MICU3: variants seen among roughly 807,000 people sequenced by gnomAD.
The protein encoded by MICU3 is mitochondrial calcium uptake 3.
MICU3 carries 62 observed loss-of-function variants against 66.5 expected under a neutral mutation model. The observed-to-expected ratio is 0.93, with a 90% CI of 0.76 to 1.15. The LOEUF is 1.15. Ranked by LOEUF, MICU3 falls within the 50% of genes most tolerant of loss-of-function variation. MICU3 has a pLI of 0.00. For synonymous variants in MICU3, 308 were observed against 240.7 expected, an observed-to-expected ratio of 1.28 and a Z score of -2.59; for missense variants, 779 against 664.4, an observed-to-expected ratio of 1.17 and a Z score of -1.90.
intron 1 of MICU3, among the ~76,000 whole-genome samples, chr8:17,046,169 G>A (rs1815049563): frequency 6.6e-6 from 1 of 152,222 alleles, no homozygotes; most frequent in South Asian, 2.1e-4. Context: ...AGTTCTGGAG[G>A]CCTGGACTTG....
intron 8 of MICU3, among the ~76,000 whole-genome samples, chr8:17,093,998 C>G (rs1800381138): frequency 6.6e-6 from 1 of 151,864 alleles, no homozygotes; most frequent in African/African-American, 2.4e-5. Flanking sequence ...CATGTGTGTC[C>G]CCACTCATAA....
At chr8:17,133,444 G>T in the MICU3 span, among the ~76,000 whole-genome samples, 1 of 151,670 alleles carries the variant, frequency 6.6e-6, no homozygotes, top group African/African-American at 2.4e-5. Flanking sequence ...TAGATCATTT[G>T]GCTGTCCTAT....
intron 1 of MICU3, among the ~76,000 whole-genome samples, chr8:17,051,479 A>G (rs3850755): frequency 6.6e-6 from 1 of 152,218 alleles, no homozygotes; most frequent in Non-Finnish European, 1.5e-5. Flanking sequence ...GCTAGATGAG[A>G]TCATCAAGTG....
intron 4 of MICU3, among the ~76,000 whole-genome samples, chr8:17,080,914 T>C (rs1474383404): frequency 1.3e-5 from 2 of 152,160 alleles, no homozygotes; most frequent in African/African-American, 2.4e-5. Context: ...TAAATAAGTA[T>C]TGTAGATACA....
intron 1 of MICU3, among the ~76,000 whole-genome samples, chr8:17,041,610 T>C (rs1279660265): frequency 6.6e-6 from 1 of 151,790 alleles, no homozygotes; most frequent in Non-Finnish European, 1.5e-5. Flanking sequence ...TTTTTTAAGA[T>C]GGAAGACCCT....
At chr8:17,068,898 C>T (rs2150664369) in intron 2 of MICU3, among the ~76,000 whole-genome samples, 1 of 152,214 alleles carries the variant, frequency 6.6e-6, no homozygotes, top group African/African-American at 2.4e-5. Flanking sequence ...AGCTGTATTA[C>T]AGGGCTTAAT....
chr8:17,047,611 T>A (rs767410723), intron 1 of MICU3, among the ~76,000 whole-genome samples: 26 of 152,220 alleles, frequency 1.7e-4, no homozygotes, highest in Admixed American at 5.9e-4. Context: ...GGACTGCAGT[T>A]GACCTGATTA....
chr8:17,084,870 T>C (rs959034340), intron 5 of MICU3, among the ~76,000 whole-genome samples: 1 of 152,062 alleles, frequency 6.6e-6, no homozygotes, highest in Non-Finnish European at 1.5e-5. Context: ...AACTAGTTCA[T>C]TGTGTCATGT....
intron 12 of MICU3, 48 bp downstream of exon 12, chr8:17,114,249 G>A (rs1343912939): frequency 8.2e-7 from 1 of 1,222,576 alleles, no homozygotes; most frequent in Non-Finnish European, 1.2e-6. Flanking sequence ...ATACTACATT[G>A]TTTCTATAGA....
chr8:17,110,869 A>T (rs150937716), intron 11 of MICU3, among the ~76,000 whole-genome samples: 229 of 152,050 alleles, frequency 1.5e-3, no homozygotes, highest in African/African-American at 5.2e-3. Flanking sequence ...GAGTCACCAT[A>T]CCTGGTCTCA....
chr8:17,040,063 A>T (rs1350282153), intron 1 of MICU3, among the ~76,000 whole-genome samples: 2 of 151,978 alleles, frequency 1.3e-5, no homozygotes, highest in East Asian at 3.9e-4. Flanking sequence ...ATGCGCCAGC[A>T]CGCCTGGCTA....
At chr8:17,030,007 C>T (rs532529947) in intron 1 of MICU3, among the ~76,000 whole-genome samples, 1 of 152,064 alleles carries the variant, frequency 6.6e-6, no homozygotes, top group African/African-American at 2.4e-5. Context: ...TCCAACCTTC[C>T]TACTGAATTT....
intron 13 of MICU3, 134 bp downstream of exon 13, chr8:17,116,734 CAT>C (rs1393723763): frequency 1.6e-6 from 1 of 626,230 alleles, no homozygotes; most frequent in Non-Finnish European, 2.6e-6. Flanking sequence ...AAAGAAAAAA[CAT>C]AGGCCTTACT....
intron 1 of MICU3, among the ~76,000 whole-genome samples, chr8:17,027,963 A>T (rs1363659958): frequency 1.3e-5 from 2 of 152,196 alleles, no homozygotes; most frequent in African/African-American, 4.8e-5. Context: ...AATGAAGGCC[A>T]TGACAGGCAG....
intron 11 of MICU3, among the ~76,000 whole-genome samples, chr8:17,109,727 A>G (rs1193466072): frequency 3.9e-5 from 6 of 152,178 alleles, no homozygotes; most frequent in African/African-American, 1.4e-4. Context: ...GAACAAGTGA[A>G]TATATTAAAT....
chr8:17,110,489 T>C (rs1233928205), intron 11 of MICU3, among the ~76,000 whole-genome samples: 2 of 152,182 alleles, frequency 1.3e-5, no homozygotes, highest in African/African-American at 2.4e-5. Context: ...CTTATTCTAA[T>C]ATTTAATTTC....
chr8:17,137,177 G>C, the MICU3 span, among the ~76,000 whole-genome samples: 2 of 151,998 alleles, frequency 1.3e-5, no homozygotes, highest in Non-Finnish European at 2.9e-5. Context: ...CTAGCCCAAA[G>C]GTTGCAATAT....
intron 11 of MICU3, among the ~76,000 whole-genome samples, chr8:17,111,528 T>G (rs1389098824): frequency 6.6e-6 from 1 of 152,132 alleles, no homozygotes; most frequent in East Asian, 1.9e-4. Context: ...TTTAGTTTGA[T>G]GAAGTCTAAT....
chr8:17,116,569 T>G lies in MICU3; in HGVS notation c.1493T>G (p.Ile498Ser). 3.2e-6 allele frequency: 5 copies of G among 1,566,318 alleles called. No individual in the cohort carries two copies. The highest frequency in any genetic ancestry group is 1.4e-5 in the African/African-American group (1 of 71,664). ...DQLSYKEFIG[I>S]MKDRLHRGFR... ...TTAAGTTATAAAGAATTTATTGGAA[T>G]TATGAAAGACAGACTCCATAGAGGA... The change falls in exon 13 of 15, where the codon ATT becomes AGT. Residue 498 changes from isoleucine (I) to serine (S), a missense_variant. Coordinates refer to ENST00000318063, the MANE Select transcript of MICU3 (RefSeq NM_181723.3).
Sources: allele counts gnomAD v4.1 joint callset (sites outside exome capture counted in the v4.1 genomes callset), GRCh38; gene constraint gnomAD v4.1.1; transcripts MANE v1.5; gene names NCBI Gene and HGNC (gene_info 2026-07-23, HGNC 2026-07-21).